PCDH15: variants seen among roughly 807,000 people sequenced by gnomAD.
PCDH15 encodes the protein protocadherin-15.
PCDH15 carries 129 observed loss-of-function variants against 178.5 expected under a neutral mutation model. The observed-to-expected ratio is 0.72, with a 90% CI of 0.63 to 0.84. The LOEUF (loss-of-function observed/expected upper bound fraction) is 0.84. Ranked by LOEUF, PCDH15 falls within the 40% of genes least tolerant of loss-of-function variation. PCDH15 has a pLI of 0.00. For missense variants in PCDH15, 2,230 were observed against 2,099.9 expected (o/e 1.06, Z -1.21); for synonymous variants, 800 against 732.0 (o/e 1.09, Z -1.50).
chr10:53,994,297 T>C (rs1003219792), intron 21 of PCDH15, among the ~76,000 whole-genome samples: 3 of 152,322 alleles, frequency 2.0e-5, no homozygotes, highest in African/African-American at 7.2e-5. Flanking sequence ...ATTAACGCCA[T>C]TAAACTCTAT....
rs200046291 is a variant in PCDH15 at position 54,221,600 on chromosome 10, CTT to C, written c.986-7554_986-7553del. On this transcript the variant is annotated intron_variant, in intron 9 of 37. Coordinates refer to ENST00000644397, the MANE Select transcript of PCDH15 (RefSeq NM_001384140.1). Reference sequence around the variant, plus strand: ...TGGGATCATTTATATAGTATGTATTCTTTTTTTTTTTTTTAATTTTGAGAAAG... The same window carrying C: ...TGGGATCATTTATATAGTATGTATTCTTTTTTTTTTTTAATTTTGAGAAAG... Among the ~76,000 whole-genome samples the C allele has an allele frequency of 3.6e-3, 513 of 143,012 alleles. 3 individuals carry two copies. The highest frequency in any genetic ancestry group is 0.022 in the Middle Eastern group (6 of 276). 93.8% of individuals were successfully genotyped at this position (143,012 alleles called of 152,430 possible).
intron 2 of PCDH15, among the ~76,000 whole-genome samples, chr10:55,146,504 A>C (rs1189173588): frequency 6.6e-6 from 1 of 151,936 alleles, no homozygotes; most frequent in Non-Finnish European, 1.5e-5. Context: ...TTAGAAAAGA[A>C]AAAAAGTTTC....
intron 2 of PCDH15, among the ~76,000 whole-genome samples, chr10:55,414,035 C>A (rs932980243): frequency 6.6e-5 from 10 of 151,378 alleles, no homozygotes; most frequent in Admixed American, 2.6e-4. Flanking sequence ...TGTATTTCAG[C>A]ATATTTTTAT....
At chr10:54,685,038 A>C (rs1042051562) in intron 1 of PCDH15, among the ~76,000 whole-genome samples, 2 of 151,772 alleles carry the variant, frequency 1.3e-5, no homozygotes, top group African/African-American at 4.8e-5. Context: ...AAAAATTATT[A>C]ATTTAATTTT....
At chr10:55,569,433 A>ACTTC (rs1842364746) in intron 2 of PCDH15, among the ~76,000 whole-genome samples, 1 of 152,018 alleles carries the variant, frequency 6.6e-6, no homozygotes, top group South Asian at 2.1e-4. Flanking sequence ...CTAGGACAAC[A>ACTTC]AAGGGCAAAA....
intron 32 of PCDH15, among the ~76,000 whole-genome samples, chr10:53,823,622 T>TTTTG (rs756288050): frequency 2.0e-5 from 3 of 149,854 alleles, no homozygotes; most frequent in African/African-American, 5.1e-5. Flanking sequence ...AGAGAGTATT[T>TTTTG]TTTGTTTTTG....
At chr10:55,188,211 T>C (rs1343046557) in intron 1 of PCDH15, among the ~76,000 whole-genome samples, 2 of 152,036 alleles carry the variant, frequency 1.3e-5, no homozygotes, top group Non-Finnish European at 2.9e-5. Flanking sequence ...ATCGTGTTTA[T>C]GTTACAGATA....
At chr10:54,925,659 C>T (rs948166621) in intron 2 of PCDH15, among the ~76,000 whole-genome samples, 2 of 151,976 alleles carry the variant, frequency 1.3e-5, no homozygotes, top group Non-Finnish European at 2.9e-5. Flanking sequence ...GATCTTTCAC[C>T]TCCCTGGTTA....
intron 2 of PCDH15, among the ~76,000 whole-genome samples, chr10:55,342,323 A>C (rs918682477): frequency 6.6e-6 from 1 of 151,912 alleles, no homozygotes; most frequent in Non-Finnish European, 1.5e-5. Flanking sequence ...CAATGTTATA[A>C]AGCATTTAAT....
chr10:54,882,642 C>T (rs866229238), intron 3 of PCDH15, among the ~76,000 whole-genome samples: 2 of 151,878 alleles, frequency 1.3e-5, no homozygotes, highest in Non-Finnish European at 2.9e-5. Context: ...TAATGTTTTA[C>T]TTAAAATGAA....
At chr10:53,817,171 TTA>T (rs2076089475) in intron 34 of PCDH15, among the ~76,000 whole-genome samples, 9 of 152,072 alleles carry the variant, frequency 5.9e-5, no homozygotes, top group African/African-American at 2.2e-4. Flanking sequence ...GGTGAGTTAG[TTA>T]TTTTACTTAT....
intron 9 of PCDH15, among the ~76,000 whole-genome samples, chr10:54,219,644 C>T (rs902416119): frequency 1.4e-5 from 2 of 141,274 alleles, no homozygotes; most frequent in Admixed American, 7.1e-5. Flanking sequence ...TCAATCCCAA[C>T]GTGTGAACTT....
At chr10:55,563,441 G>A (rs573627932) in intron 2 of PCDH15, among the ~76,000 whole-genome samples, 227 of 151,730 alleles carry the variant, frequency 1.5e-3, no homozygotes, top group Middle Eastern at 0.01. Context: ...AACTCAGGCC[G>A]ATCTTCAGCA....
intron 28 of PCDH15, among the ~76,000 whole-genome samples, chr10:53,849,475 C>A (rs535033478): frequency 2.6e-5 from 4 of 152,096 alleles, no homozygotes; most frequent in African/African-American, 7.2e-5. Context: ...GCATACAGGA[C>A]CCTTTACGGA....
intron 2 of PCDH15, among the ~76,000 whole-genome samples, chr10:54,552,499 A>G (rs2086726242): frequency 6.6e-6 from 1 of 152,204 alleles, no homozygotes; most frequent in Admixed American, 6.6e-5. Context: ...GTGATTAAGA[A>G]TACAGCCGCT....
At chr10:54,103,741 T>C (rs574380099) in intron 15 of PCDH15, among the ~76,000 whole-genome samples, 1 of 152,180 alleles carries the variant, frequency 6.6e-6, no homozygotes, top group African/African-American at 2.4e-5. Flanking sequence ...ACCAGACAAA[T>C]AAATTATTAT....
At chr10:54,119,562 G>A (rs1254987442) in intron 15 of PCDH15, among the ~76,000 whole-genome samples, 1 of 151,944 alleles carries the variant, frequency 6.6e-6, no homozygotes, top group Non-Finnish European at 1.5e-5. Flanking sequence ...AAAACAACCT[G>A]GAAATTACAT....
chr10:54,520,885 TA>T (rs1370069556), intron 3 of PCDH15, among the ~76,000 whole-genome samples: 1 of 151,510 alleles, frequency 6.6e-6, no homozygotes, highest in Admixed American at 6.6e-5. Context: ...TATGCAGCCA[TA>T]AAAAATGATG....
At chr10:55,541,705 A>G (rs949789235) in intron 2 of PCDH15, among the ~76,000 whole-genome samples, 3 of 151,982 alleles carry the variant, frequency 2.0e-5, no homozygotes, top group African/African-American at 7.2e-5. Flanking sequence ...CTGAAATCCA[A>G]TCCTCAAAAG....
Sources: allele counts gnomAD v4.1 joint callset (sites outside exome capture counted in the v4.1 genomes callset), GRCh38; gene constraint gnomAD v4.1.1; transcripts MANE v1.5; gene names NCBI Gene and HGNC (gene_info 2026-07-23, HGNC 2026-07-21).